SLC4A10: variants seen among roughly 807,000 people sequenced by gnomAD.
The protein encoded by SLC4A10 is sodium-driven chloride bicarbonate exchanger.
SLC4A10 carries 42 observed loss-of-function variants against 137.7 expected under a neutral mutation model. The observed-to-expected ratio is 0.30, with a 90% CI of 0.24 to 0.39. The LOEUF (loss-of-function observed/expected upper bound fraction) is 0.39, where lower values mean the gene tolerates loss of function less well. Among genes scored for constraint, SLC4A10 ranks in the 10% least tolerant of loss-of-function variants. The probability of loss-of-function intolerance (pLI) is 1.00; values close to 1 mark genes in which losing one functional copy is unlikely to be tolerated. For synonymous variants in SLC4A10, 474 were observed against 464.1 expected, an observed-to-expected ratio of 1.02 and a Z score of -0.27; for missense variants, 925 against 1,355.0, an observed-to-expected ratio of 0.68 and a Z score of 4.98.
chr2:161,825,455 A>G (rs2057951475), intron 3 of SLC4A10, among the ~76,000 whole-genome samples: 1 of 151,860 alleles, frequency 6.6e-6, no homozygotes, highest in Non-Finnish European at 1.5e-5. Flanking sequence ...TCTCACCTGC[A>G]CTCTTTTCTG....
chr2:161,678,454 C>T (rs543852117), intron 1 of SLC4A10, among the ~76,000 whole-genome samples: 6 of 152,184 alleles, frequency 3.9e-5, no homozygotes, highest in African/African-American at 7.2e-5. Context: ...AGAGACGACA[C>T]GGATATTTTA....
At chr2:161,664,324 A>C (rs1353493451) in intron 1 of SLC4A10, among the ~76,000 whole-genome samples, 34 of 152,014 alleles carry the variant, frequency 2.2e-4, no homozygotes, top group Admixed American at 2.2e-3. Flanking sequence ...GGGCTAACAA[A>C]TAGTCAGAAC....
intron 1 of SLC4A10, among the ~76,000 whole-genome samples, chr2:161,765,945 AG>A (rs1403656086): frequency 6.6e-6 from 1 of 152,136 alleles, no homozygotes; most frequent in Non-Finnish European, 1.5e-5. Context: ...TCTATTAAAA[AG>A]TTTTGAATAA....
chr2:161,846,005 G>A (rs946580353), intron 4 of SLC4A10, among the ~76,000 whole-genome samples: 1 of 152,104 alleles, frequency 6.6e-6, no homozygotes, highest in South Asian at 2.1e-4. Flanking sequence ...TAAAATGTTT[G>A]TGCTGTGAAA....
chr2:161,934,758 A>T (rs990952941), intron 15 of SLC4A10, among the ~76,000 whole-genome samples: 1 of 152,014 alleles, frequency 6.6e-6, no homozygotes, highest in Non-Finnish European at 1.5e-5. Flanking sequence ...AGAAATGTCT[A>T]TTCAGATACT....
chr2:161,830,901 AG>A (rs2058392847), intron 3 of SLC4A10, among the ~76,000 whole-genome samples: 1 of 152,160 alleles, frequency 6.6e-6, no homozygotes, highest in South Asian at 2.1e-4. Context: ...TTAGGATAGC[AG>A]GGGCCTGATT....
chr2:161,903,294 G>C (rs143918179), intron 12 of SLC4A10, among the ~76,000 whole-genome samples: 1 of 152,078 alleles, frequency 6.6e-6, no homozygotes, highest in African/African-American at 2.4e-5. Context: ...ACAGATGCTG[G>C]GATATGTTAA....
At chr2:161,783,435 G>T (rs552606094) in intron 2 of SLC4A10, among the ~76,000 whole-genome samples, 83 of 151,870 alleles carry the variant, frequency 5.5e-4, no homozygotes, top group Non-Finnish European at 1.0e-3. Context: ...TAAAAGTATT[G>T]GTAAAGGTAA....
chr2:161,964,454 A>C, intron 22 of SLC4A10, 146 bp downstream of exon 22: 1 of 837,132 alleles, frequency 1.2e-6, no homozygotes, highest in Non-Finnish European at 1.9e-6. Flanking sequence ...AGTGTGACTA[A>C]GATAGGGTTT....
At chr2:161,945,570 T>C (rs1293470877) in intron 16 of SLC4A10, among the ~76,000 whole-genome samples, 1 of 151,446 alleles carries the variant, frequency 6.6e-6, no homozygotes, top group Non-Finnish European at 1.5e-5. Context: ...CATTTCTAAA[T>C]TTCAGGACTT....
intron 3 of SLC4A10, among the ~76,000 whole-genome samples, chr2:161,828,829 C>T: frequency 8.8e-6 from 1 of 114,208 alleles, no homozygotes; most frequent in Non-Finnish European, 1.8e-5. Context: ...ACATCTGCAT[C>T]AAATCCCTCT....
At chr2:161,927,236 T>C (rs1689334691) in intron 15 of SLC4A10, among the ~76,000 whole-genome samples, 1 of 152,242 alleles carries the variant, frequency 6.6e-6, no homozygotes, top group African/African-American at 2.4e-5. Flanking sequence ...AGTCCCATAT[T>C]TCTTGGAGGC....
At chr2:161,960,466 C>A (rs1455556367) in intron 21 of SLC4A10, among the ~76,000 whole-genome samples, 1 of 151,076 alleles carries the variant, frequency 6.6e-6, no homozygotes, top group Non-Finnish European at 1.5e-5. Context: ...ACGGTCAGCT[C>A]ACACTTCTAA....
chr2:161,768,774 C>T (rs139783302), intron 1 of SLC4A10, among the ~76,000 whole-genome samples: 1 of 151,922 alleles, frequency 6.6e-6, no homozygotes, highest in Non-Finnish European at 1.5e-5. Flanking sequence ...TAACTACACC[C>T]ATCTTTAGTG....
chr2:161,749,582 AC>A (rs1373207532), intron 1 of SLC4A10, among the ~76,000 whole-genome samples: 1 of 151,920 alleles, frequency 6.6e-6, no homozygotes, highest in Non-Finnish European at 1.5e-5. Context: ...TGGTTAAACC[AC>A]CCTTGCATCC....
chr2:161,819,937 G>C (rs565606374), intron 3 of SLC4A10, among the ~76,000 whole-genome samples: 1 of 152,140 alleles, frequency 6.6e-6, no homozygotes, highest in African/African-American at 2.4e-5. Context: ...AAGATGATGA[G>C]GGAAATTTGT....
chr2:161,641,988 G>A (rs1326158350), intron 1 of SLC4A10, among the ~76,000 whole-genome samples: 1 of 151,870 alleles, frequency 6.6e-6, no homozygotes. Context: ...AATTCCATCT[G>A]TTTCCTTTTA....
chr2:161,694,907 T>A (rs1477191608), intron 1 of SLC4A10, among the ~76,000 whole-genome samples: 1 of 151,868 alleles, frequency 6.6e-6, no homozygotes, highest in Non-Finnish European at 1.5e-5. Flanking sequence ...CAACATTGAA[T>A]TTTTTTTATA....
At chr2:161,898,385 G>A (rs1048191683) in intron 11 of SLC4A10, among the ~76,000 whole-genome samples, 1 of 152,030 alleles carries the variant, frequency 6.6e-6, no homozygotes, top group South Asian at 2.1e-4. Flanking sequence ...TATGCTCTAT[G>A]CTTCTTTTCA....
Sources: gnomAD v4.1 joint callset for allele counts (sites outside exome capture counted in the v4.1 genomes callset) on GRCh38, gnomAD v4.1.1 for gene constraint, MANE v1.5 for transcripts, NCBI Gene and HGNC (gene_info 2026-07-23, HGNC 2026-07-21) for gene names.